The following SF3B3 variants were observed in gnomAD, a reference collection of about 807,000 sequenced individuals.
SF3B3 encodes splicing factor 3b subunit 3.
A neutral mutation model predicts 139.2 loss-of-function variants in SF3B3; 33 were observed. The observed-to-expected ratio is 0.24, with a 90% CI of 0.18 to 0.32. The LOEUF (loss-of-function observed/expected upper bound fraction) is 0.32. SF3B3 is among the 10% of genes least tolerant of loss of function. The pLI, the probability that SF3B3 is intolerant of heterozygous loss-of-function variation, is 1.00. For missense variants in SF3B3, 818 were observed against 1,509.4 expected, an observed-to-expected ratio of 0.54 and a Z score of 7.59; for synonymous variants, 596 against 563.6, an observed-to-expected ratio of 1.06 and a Z score of -0.81.
intron 2 of SF3B3, among the ~76,000 whole-genome samples, chr16:70,527,854 C>T (rs1382674349): frequency 1.3e-5 from 2 of 152,178 alleles, no homozygotes; most frequent in Non-Finnish European, 2.9e-5. Flanking sequence ...TGGCTCACTG[C>T]CACCTCCGCC....
At chr16:70,563,704 C>G (rs1207327127) in intron 17 of SF3B3, 172 bp from the exon 18 acceptor site, 3 of 590,592 alleles carry the variant, frequency 5.1e-6, no homozygotes, top group Non-Finnish European at 8.9e-6. Flanking sequence ...TCCTGGATCT[C>G]TGTGTCTGCA....
chr16:70,531,229 C>T (rs1359176760), intron 4 of SF3B3, among the ~76,000 whole-genome samples: 1 of 152,148 alleles, frequency 6.6e-6, no homozygotes, highest in Non-Finnish European at 1.5e-5. Context: ...GATCTCGCCA[C>T]TGCACTCCAG....
At chr16:70,571,027 G>T in intron 24 of SF3B3, 68 bp from the exon 25 acceptor site, 1 of 1,013,814 alleles carries the variant, frequency 9.9e-7, no homozygotes, top group South Asian at 1.3e-5. Flanking sequence ...TCTGTTCGTT[G>T]TGCTTGTGGA....
At chr16:70,554,248 A>G (rs555573066) in intron 11 of SF3B3, 198 bp from the exon 12 acceptor site, 12 of 505,540 alleles carry the variant, frequency 2.4e-5, no homozygotes, top group South Asian at 7.7e-5. Context: ...GAAGCAGAGT[A>G]TATCTGTAGG....
chr16:70,527,509 C>G (rs1461648819), intron 2 of SF3B3, among the ~76,000 whole-genome samples: 1 of 152,138 alleles, frequency 6.6e-6, no homozygotes, highest in Non-Finnish European at 1.5e-5. Context: ...GAGAGGCAGC[C>G]TAACTGACCA....
intron 4 of SF3B3, among the ~76,000 whole-genome samples, chr16:70,531,768 A>G (rs181637909): frequency 1.3e-5 from 2 of 152,324 alleles, no homozygotes; most frequent in Admixed American, 1.3e-4. Context: ...TGTTTAAGGT[A>G]TTTTTTCACA....
chr16:70,564,595 T>G (rs2050458390), intron 18 of SF3B3, among the ~76,000 whole-genome samples: 1 of 152,210 alleles, frequency 6.6e-6, no homozygotes, highest in African/African-American at 2.4e-5. Context: ...TTCCTTTATT[T>G]GGGCCCAAAA....
Position 70,561,657 on chromosome 16 carries a change from T to A in SF3B3, c.2161T>A (p.Leu721Met). 1 of 1,614,050 alleles carries A rather than the reference T, an allele frequency of 6.2e-7. No individual in the cohort carries two copies. Among genetic ancestry groups the A allele is most frequent in the Non-Finnish European group, 8.5e-7 (1 of 1,179,940 alleles). ...AVLAMSSRSW[L>M]SYSYQSRFHL... ...ATTGGCCATGTCAAGCCGCTCATGG[T>A]TGAGCTATTCTTACCAATCTCGCTT... Residue 721 changes from leucine (L) to methionine (M), a missense_variant, in exon 17 of 26, where the codon TTG becomes ATG. By Grantham distance (15) the Leu-to-Met change is conservative. Around this residue, in one of 14 missense-constraint regions of SF3B3, gnomAD observed 170 missense variants for 353.0 expected, o/e 0.48. Transcript: ENST00000302516.
chr16:70,553,163 C>G (rs913350893), intron 11 of SF3B3, among the ~76,000 whole-genome samples: 1 of 152,222 alleles, frequency 6.6e-6, no homozygotes, highest in Non-Finnish European at 1.5e-5. Flanking sequence ...CTCAGGTGAT[C>G]TACCCACCTT....
chr16:70,541,649 TCTC>T lies in SF3B3; in HGVS notation c.1068-16_1068-14del, dbSNP rs1436407870. 1 of 1,606,602 alleles carries T rather than the reference TCTC, an allele frequency of 6.2e-7. No individual in the cohort carries two copies. Among genetic ancestry groups the T allele is most frequent in the African/African-American group, 1.3e-5 (1 of 74,772 alleles). ...CAGAGAACTCGTTACCGAAAGTTTC[TCTC>T]CTCTGCTTCTTCCCAGTTACTTATA... On this transcript the variant is annotated splice_polypyrimidine_tract_variant and intron_variant, in intron 8 of 25. Coordinates refer to ENST00000302516, the MANE Select transcript of SF3B3 (RefSeq NM_012426.5).
chr16:70,529,834 A>T (rs2050103544), intron 3 of SF3B3, among the ~76,000 whole-genome samples: 1 of 151,966 alleles, frequency 6.6e-6, no homozygotes. Context: ...ATTTATCTTT[A>T]AAAGAGATGG....
chr16:70,548,208 C>G (rs966617336), intron 10 of SF3B3, among the ~76,000 whole-genome samples, 162 bp from the exon 11 acceptor site: 2 of 152,192 alleles, frequency 1.3e-5, no homozygotes, highest in Non-Finnish European at 2.9e-5. Context: ...TAAGAACCAG[C>G]CTGTTTGGTT....
intron 9 of SF3B3, 66 bp from the exon 10 acceptor site, chr16:70,544,372 A>G: frequency 1.1e-6 from 1 of 872,578 alleles, no homozygotes; most frequent in South Asian, 1.4e-5. Context: ...GGGATACTAG[A>G]GAATCAGAGT....
In SF3B3 at chr16:70,556,928, C is replaced by G. The variant is rs1342727923; in HGVS notation, c.1909C>G (p.Pro637Ala). 1.2e-6 allele frequency: 2 copies of G among 1,614,126 alleles called. No individual in the cohort carries two copies. Among genetic ancestry groups the G allele is most frequent in the South Asian group, 1.1e-5 (1 of 91,076 alleles). The change falls in exon 15 of 26, where the codon CCT (proline) becomes GCT (alanine). Residue 637 changes from proline (P) to alanine (A), a missense_variant. Physicochemically the swap from Pro to Ala is conservative, Grantham distance 27. Coordinates refer to ENST00000302516, the MANE Select transcript of SF3B3 (RefSeq NM_012426.5). ...PLSMQALPAQ[P>A]ESLCIVEMGG... is the part of the protein sequence containing the mutation. ...AAGCATGCAGGCTCTCCCAGCCCAGCCTGAGTCCTTGTGTATCGTGGAAAT... is the reference window on the plus strand; with the variant it reads ...AAGCATGCAGGCTCTCCCAGCCCAGGCTGAGTCCTTGTGTATCGTGGAAAT...
chr16:70,546,680 T>A (rs1435089812), intron 10 of SF3B3, among the ~76,000 whole-genome samples: 1 of 151,732 alleles, frequency 6.6e-6, no homozygotes, highest in Admixed American at 6.6e-5. Flanking sequence ...TAACAGAAAA[T>A]TTTTGTATAG....
chr16:70,538,953 T>C (rs2050194011), intron 7 of SF3B3, 151 bp from the exon 8 acceptor site: 7 of 644,326 alleles, frequency 1.1e-5, no homozygotes, highest in Non-Finnish European at 2.0e-5. Context: ...CAGCCAGTAA[T>C]GATTGGCATG....
intron 6 of SF3B3, among the ~76,000 whole-genome samples, chr16:70,535,927 A>G (rs1335197136): frequency 2.0e-5 from 3 of 152,134 alleles, no homozygotes; most frequent in Admixed American, 2.0e-4. Flanking sequence ...CAATTTGAAA[A>G]GAAGTTACAG....
At chr16:70,545,579 C>T (rs1051679280) in intron 10 of SF3B3, among the ~76,000 whole-genome samples, 4 of 152,134 alleles carry the variant, frequency 2.6e-5, no homozygotes, top group Non-Finnish European at 5.9e-5. Flanking sequence ...AAATAAAAAG[C>T]TTCCTATAAC....
At chr16:70,561,368 T>G (rs1251372499) in intron 16 of SF3B3, 4 of 332,656 alleles carry the variant, frequency 1.2e-5, no homozygotes, top group Non-Finnish European at 1.6e-5. Context: ...GGTACTGTTT[T>G]CATTTTACAC....
Sources: allele counts gnomAD v4.1 joint callset (sites outside exome capture counted in the v4.1 genomes callset), GRCh38; gene constraint gnomAD v4.1.1; regional missense constraint gnomAD v4.1.1; transcripts MANE v1.5; gene names NCBI Gene and HGNC (gene_info 2026-07-23, HGNC 2026-07-21).